Variants in RHEB observed in about 807,000 individuals in gnomAD.
The protein encoded by RHEB is Ras homolog, mTORC1 binding, also known as GTP-binding protein Rheb.
Under a neutral mutation model 28.8 loss-of-function variants are expected in RHEB, and 2 were observed. That is an observed-to-expected ratio of 0.07 (90% CI 0.03 to 0.22). The LOEUF (loss-of-function observed/expected upper bound fraction) is 0.22, where lower values mean the gene tolerates loss of function less well. RHEB is among the 10% of genes least tolerant of loss of function. RHEB has a pLI of 1.00. For missense variants in RHEB, 76 were observed against 219.9 expected, an observed-to-expected ratio of 0.35 and a Z score of 4.14; for synonymous variants, 69 against 77.3, an observed-to-expected ratio of 0.89 and a Z score of 0.56.
At chr7:151,477,491 T>G in intron 3 of RHEB, 76 bp from the exon 4 acceptor site, 1 of 800,554 alleles carries the variant, frequency 1.2e-6, no homozygotes, top group Non-Finnish European at 2.1e-6. Flanking sequence ...GTTTTTCATG[T>G]ATTACCTGAA....
chr7:151,467,362 G>A (rs905685763), intron 7 of RHEB, 151 bp from the exon 8 acceptor site: 87 of 633,834 alleles, frequency 1.4e-4, no homozygotes, highest in East Asian at 4.5e-4. Flanking sequence ...AGGGCCCCCC[G>A]ACGCCCAGTA....
intron 3 of RHEB, among the ~76,000 whole-genome samples, chr7:151,482,433 A>T (rs531482252): frequency 1.2e-4 from 19 of 152,324 alleles, no homozygotes; most frequent in Admixed American, 6.5e-4. Context: ...TTACTGGGTT[A>T]GCAACAAAAA....
intron 1 of RHEB, among the ~76,000 whole-genome samples, chr7:151,509,930 C>A (rs1563101609): frequency 6.6e-6 from 1 of 152,234 alleles, no homozygotes; most frequent in African/African-American, 2.4e-5. Flanking sequence ...ATGGCCTGCC[C>A]TGCAAAGCTT....
At chr7:151,492,989 G>A (rs1418279730) in intron 1 of RHEB, among the ~76,000 whole-genome samples, 3 of 151,792 alleles carry the variant, frequency 2.0e-5, no homozygotes, top group Non-Finnish European at 2.9e-5. Context: ...ACAGGCACGC[G>A]CCACCACACC....
chr7:151,494,404 A>T (rs1802640268), intron 1 of RHEB, among the ~76,000 whole-genome samples: 1 of 152,268 alleles, frequency 6.6e-6, no homozygotes, highest in South Asian at 2.1e-4. Context: ...AACAGAAAAG[A>T]AAGTTACACA....
At chr7:151,507,504 T>A (rs1372063472) in intron 1 of RHEB, among the ~76,000 whole-genome samples, 3 of 152,188 alleles carry the variant, frequency 2.0e-5, no homozygotes, top group Non-Finnish European at 2.9e-5. Context: ...TGAGAGTGTG[T>A]GATGCAGAAC....
intron 1 of RHEB, among the ~76,000 whole-genome samples, chr7:151,512,029 C>T (rs980452197): frequency 6.6e-5 from 10 of 152,176 alleles, no homozygotes; most frequent in Admixed American, 4.6e-4. Context: ...GCAAGAATGA[C>T]GTGACGAAGA....
chr7:151,482,839 T>C (rs962122086), intron 3 of RHEB, among the ~76,000 whole-genome samples: 3 of 152,170 alleles, frequency 2.0e-5, no homozygotes, highest in African/African-American at 4.8e-5. Flanking sequence ...TCCAAAACAA[T>C]TTCCTACTCA....
chr7:151,479,700 G>T (rs1311967721), intron 3 of RHEB, among the ~76,000 whole-genome samples: 1 of 128,236 alleles, frequency 7.8e-6, no homozygotes, highest in Non-Finnish European at 1.7e-5. Flanking sequence ...AAAAAAAAAA[G>T]ATTAATAAAT....
chr7:151,470,824 G>A (rs1488380930), intron 6 of RHEB, among the ~76,000 whole-genome samples, 172 bp from the exon 7 acceptor site: 4 of 152,286 alleles, frequency 2.6e-5, no homozygotes, highest in East Asian at 1.9e-4. Context: ...TTTTAATTAC[G>A]CCTGAGCTGG....
In RHEB at chr7:151,519,688, C is replaced by G. The variant is rs1803148352; in HGVS notation, c.-177G>C. On this transcript the variant is annotated 5_prime_UTR_variant, in exon 1 of 8. Transcript: ENST00000262187. Reference sequence around the variant, plus strand: ...GCTCCCAACCGCCCGGAACCGACCGCGCGGCGGCGCCCCTCCCCCCCACAA... The same window carrying G: ...GCTCCCAACCGCCCGGAACCGACCGGGCGGCGGCGCCCCTCCCCCCCACAA... 1 of 418,132 alleles carries G rather than the reference C, an allele frequency of 2.4e-6. No homozygotes were observed. Among genetic ancestry groups the G allele is most frequent in the African/African-American group, 2.1e-5 (1 of 47,956 alleles). The allele number at this position is 418,132 out of a possible 1,614,324, so 25.9% of individuals were successfully genotyped here. A position where few individuals can be genotyped will look rare whatever the true frequency, so the allele number is the denominator to read the frequency against.
chr7:151,483,400 T>C (rs547786657), intron 3 of RHEB, among the ~76,000 whole-genome samples: 11 of 152,164 alleles, frequency 7.2e-5, no homozygotes, highest in South Asian at 4.2e-4. Flanking sequence ...CTCACCCTCC[T>C]GCTACTCTTA....
chr7:151,489,611 T>G (rs74443420), intron 2 of RHEB, among the ~76,000 whole-genome samples: 4,883 of 152,308 alleles, frequency 0.032, 231 homozygotes, highest in African/African-American at 0.11. Context: ...CAGTAAATAT[T>G]TTAGGCTTTG....
chr7:151,486,971 T>C (rs1384254596), intron 2 of RHEB, among the ~76,000 whole-genome samples: 1 of 152,114 alleles, frequency 6.6e-6, no homozygotes, highest in African/African-American at 2.4e-5. Context: ...TTTAGGGATG[T>C]TTTGGGATGC....
In RHEB at chr7:151,503,447, T is replaced by C; in HGVS notation, c.53-12433A>G. ...TACCAAGGAGGAGACAATGAATTTT[T>C]TGACCTTGATGACTAGACATGAGTC... On this transcript the variant is annotated intron_variant, in intron 1 of 7. Coordinates refer to ENST00000262187, the MANE Select transcript of RHEB (RefSeq NM_005614.4). 6 of 1,201,930 alleles carry C rather than the reference T, an allele frequency of 5.0e-6. No individual in the cohort carries two copies. The East Asian group carries it at 7.0e-5, about 14-fold the overall frequency. The allele number at this position is 1,201,930 out of a possible 1,614,324, so 74.5% of individuals were successfully genotyped here.
chr7:151,510,121 G>A (rs1255718260), intron 1 of RHEB, among the ~76,000 whole-genome samples: 1 of 152,112 alleles, frequency 6.6e-6, no homozygotes, highest in Non-Finnish European at 1.5e-5. Flanking sequence ...CATGAGTCCC[G>A]ACCTCTCTCA....
In RHEB at chr7:151,471,574, A is replaced by C; in HGVS notation, c.307T>G (p.Leu103Val). 1 of 1,605,320 alleles carries C rather than the reference A, an allele frequency of 6.2e-7. No individual in the cohort carries two copies. Reference protein sequence around the residue: ...FEVIKVIHGKLLDMVGKVQIP... With the variant: ...FEVIKVIHGKVLDMVGKVQIP... ...TGTACTTTCCCCACCATATCCAACAATTTGCCATGGATAACTTTAATCACT... is the reference window on the plus strand; with the variant it reads ...TGTACTTTCCCCACCATATCCAACACTTTGCCATGGATAACTTTAATCACT... The change falls in exon 5 of 8, where the codon TTG (leucine) becomes GTG (valine). Residue 103 changes from leucine (L) to valine (V), a missense_variant. Leu to Val is a conservative substitution (Grantham distance 32). Transcript: ENST00000262187.
At chr7:151,517,151 G>A (rs1453357089) in intron 1 of RHEB, among the ~76,000 whole-genome samples, 1 of 152,134 alleles carries the variant, frequency 6.6e-6, no homozygotes, top group Non-Finnish European at 1.5e-5. Flanking sequence ...ACCACCTGAG[G>A]TCAGGCGTTT....
At chr7:151,471,070 A>G (rs1563090834) in intron 6 of RHEB, among the ~76,000 whole-genome samples, 1 of 152,288 alleles carries the variant, frequency 6.6e-6, no homozygotes, top group Non-Finnish European at 1.5e-5. Context: ...GGCAGGGGAC[A>G]TCTGCCTCCT....
Sources: gnomAD v4.1 joint callset for allele counts (sites outside exome capture counted in the v4.1 genomes callset) on GRCh38, gnomAD v4.1.1 for gene constraint, MANE v1.5 for transcripts, NCBI Gene and HGNC (gene_info 2026-07-23, HGNC 2026-07-21) for gene names.